Variants in GNA14 observed in about 807,000 individuals in gnomAD.
The protein encoded by GNA14 is G protein subunit alpha 14.
Under a neutral mutation model 42.0 loss-of-function variants are expected in GNA14, and 50 were observed. The observed-to-expected ratio is 1.19, with a 90% CI of 0.95 to 1.51. GNA14 has a LOEUF of 1.51. Among genes scored for constraint, GNA14 ranks in the 40% most tolerant of loss-of-function variants. The probability of loss-of-function intolerance (pLI) is 0.00; values close to 1 mark genes in which losing one functional copy is unlikely to be tolerated. For missense variants in GNA14, 473 were observed against 446.2 expected (o/e 1.06, Z -0.54); for synonymous variants, 173 against 163.1 (o/e 1.06, Z -0.46).
intron 1 of GNA14, among the ~76,000 whole-genome samples, chr9:77,550,796 CCACAGGGGCAACAAAATTATT>C (rs1837778020): frequency 6.6e-6 from 1 of 152,134 alleles, no homozygotes; most frequent in African/African-American, 2.4e-5. Flanking sequence ...GTCAGGTTGT[CCACAGGGGCAACAAAATTATT>C]CACAGGGTAA....
intron 1 of GNA14, among the ~76,000 whole-genome samples, chr9:77,633,406 C>T (rs1387180754): frequency 6.6e-6 from 1 of 151,962 alleles, no homozygotes; most frequent in Non-Finnish European, 1.5e-5. Context: ...GGTTCTGTGG[C>T]CAGAACTAAG....
intron 2 of GNA14, among the ~76,000 whole-genome samples, chr9:77,458,561 T>C (rs964143156): frequency 3.9e-5 from 6 of 152,212 alleles, no homozygotes. Context: ...GGACATCAGT[T>C]AAATTTGGAT....
chr9:77,645,864 G>A (rs1824343139), intron 1 of GNA14, among the ~76,000 whole-genome samples: 1 of 152,048 alleles, frequency 6.6e-6, no homozygotes. Flanking sequence ...AATGAAATAG[G>A]GTTCAGCCTG....
At chr9:77,429,109 A>T (rs1835504204) in intron 4 of GNA14, 73 bp from the exon 5 acceptor site, 1 of 1,465,850 alleles carries the variant, frequency 6.8e-7, no homozygotes. Context: ...CATGAATTAT[A>T]GCATGGAAAC....
intron 1 of GNA14, among the ~76,000 whole-genome samples, chr9:77,595,538 CA>C (rs1258484282): frequency 1.3e-5 from 2 of 152,152 alleles, no homozygotes; most frequent in African/African-American, 4.8e-5. Context: ...GAAGGGGCAC[CA>C]GTGGGTTTTG....
intron 2 of GNA14, among the ~76,000 whole-genome samples, chr9:77,507,413 A>C (rs947103268): frequency 5.3e-5 from 8 of 152,196 alleles, no homozygotes; most frequent in African/African-American, 9.6e-5. Flanking sequence ...TTTTAAAAAT[A>C]AATCAATCAA....
At chr9:77,484,811 T>C (rs1167851635) in intron 2 of GNA14, among the ~76,000 whole-genome samples, 3 of 152,212 alleles carry the variant, frequency 2.0e-5, no homozygotes, top group Non-Finnish European at 4.4e-5. Flanking sequence ...TCCTAGTACA[T>C]ACAAAAGTTA....
chr9:77,483,871 A>C (rs1836609068), intron 2 of GNA14, among the ~76,000 whole-genome samples: 1 of 152,212 alleles, frequency 6.6e-6, no homozygotes, highest in Non-Finnish European at 1.5e-5. Flanking sequence ...AGGAATGTAG[A>C]ATTAGAATGA....
intron 1 of GNA14, among the ~76,000 whole-genome samples, chr9:77,537,454 T>C (rs1387794799): frequency 6.6e-6 from 1 of 152,246 alleles, no homozygotes; most frequent in Non-Finnish European, 1.5e-5. Context: ...TATGTATATA[T>C]ACCACACTTT....
intron 1 of GNA14, among the ~76,000 whole-genome samples, chr9:77,554,790 T>C (rs1822737064): frequency 6.6e-6 from 1 of 152,188 alleles, no homozygotes; most frequent in South Asian, 2.1e-4. Flanking sequence ...GGAAGCCAAA[T>C]GGGGATCTCA....
chr9:77,645,764 A>G (rs1298102426), intron 1 of GNA14, among the ~76,000 whole-genome samples: 3 of 152,132 alleles, frequency 2.0e-5, no homozygotes, highest in Non-Finnish European at 4.4e-5. Flanking sequence ...TGACTACACA[A>G]TTTTTCATAC....
chr9:77,439,320 A>G (rs925090489), intron 2 of GNA14, among the ~76,000 whole-genome samples: 3 of 152,192 alleles, frequency 2.0e-5, no homozygotes, highest in African/African-American at 7.2e-5. Flanking sequence ...CTTTCTGTAG[A>G]TCCTTAACAA....
rs918510206 is a variant in GNA14 at position 77,647,889 on chromosome 9, G to C, written c.-96C>G. On this transcript the variant is annotated 5_prime_UTR_variant, in exon 1 of 7. Transcript: ENST00000341700. ...CCCGGCCAGCATGCGACGGGCACAG[G>C]GGTGTGGAAAGAAAAGACGGGGGCC... The C allele has an allele frequency of 8.4e-6, 12 of 1,431,356 alleles. No homozygotes were observed. The African/African-American group carries it at 1.6e-4, about 19-fold the overall frequency. 88.7% of individuals were successfully genotyped at this position (1,431,356 alleles called of 1,614,324 possible). A position where few individuals can be genotyped will look rare whatever the true frequency, so the allele number is the denominator to read the frequency against.
At chr9:77,563,498 T>C (rs1822915357) in intron 1 of GNA14, among the ~76,000 whole-genome samples, 1 of 152,182 alleles carries the variant, frequency 6.6e-6, no homozygotes, top group African/African-American at 2.4e-5. Flanking sequence ...GTAAGAGAAC[T>C]GCATTCCGAA....
intron 1 of GNA14, among the ~76,000 whole-genome samples, chr9:77,546,842 T>C (rs1176369264): frequency 2.6e-5 from 4 of 152,192 alleles, no homozygotes; most frequent in Admixed American, 2.6e-4. Context: ...TGGATTCCTC[T>C]CTCCAGGATG....
intron 2 of GNA14, among the ~76,000 whole-genome samples, chr9:77,469,067 G>A (rs1836283379): frequency 6.6e-6 from 1 of 152,108 alleles, no homozygotes; most frequent in East Asian, 1.9e-4. Flanking sequence ...TGCATGATTT[G>A]TACCCTGCCA....
intron 1 of GNA14, among the ~76,000 whole-genome samples, chr9:77,571,808 T>C (rs1823065163): frequency 6.6e-6 from 1 of 152,144 alleles, no homozygotes; most frequent in Non-Finnish European, 1.5e-5. Context: ...TTTAAGGACT[T>C]ATTATTTTTA....
intron 1 of GNA14, among the ~76,000 whole-genome samples, chr9:77,565,462 T>A (rs138771183): frequency 6.6e-6 from 1 of 152,244 alleles, no homozygotes; most frequent in Non-Finnish European, 1.5e-5. Context: ...TACCTTTTTT[T>A]AAACTTTATT....
At chr9:77,496,518 G>C (rs1836872676) in intron 2 of GNA14, among the ~76,000 whole-genome samples, 1 of 152,156 alleles carries the variant, frequency 6.6e-6, no homozygotes, top group Non-Finnish European at 1.5e-5. Context: ...GAAGGGAGAG[G>C]GCTCTCCCAT....
Sources: allele counts gnomAD v4.1 joint callset (sites outside exome capture counted in the v4.1 genomes callset), GRCh38; gene constraint gnomAD v4.1.1; transcripts MANE v1.5; gene names NCBI Gene and HGNC (gene_info 2026-07-23, HGNC 2026-07-21).